The following RIMBP2 variants were observed in gnomAD, a reference collection of about 807,000 sequenced individuals.
The protein encoded by RIMBP2 is RIMS-binding protein 2.
Under a neutral mutation model 118.6 loss-of-function variants are expected in RIMBP2, and 48 were observed. That is an observed-to-expected ratio of 0.40 (90% CI 0.32 to 0.51). The LOEUF is 0.51. Ranked by LOEUF, RIMBP2 falls within the 20% of genes least tolerant of loss-of-function variation. The pLI is 0.41. For synonymous variants in RIMBP2, 762 were observed against 742.9 expected, an observed-to-expected ratio of 1.03 and a Z score of -0.42; for missense variants, 1,551 against 1,768.3, an observed-to-expected ratio of 0.88 and a Z score of 2.20.
At chr12:130,661,755 T>A (rs1469066857) in intron 1 of RIMBP2, among the ~76,000 whole-genome samples, 10 of 152,192 alleles carry the variant, frequency 6.6e-5, no homozygotes, top group Admixed American at 6.5e-4. Context: ...GAATCAGAGC[T>A]GATGCAATAA....
rs149550875 is a variant in RIMBP2 at position 130,683,746 on chromosome 12, G to A, written c.-352+32476C>T. Reference sequence around the variant, plus strand: ...ACCAGCACTACGACAATTTACAAACGCCATGGCAATGTCAGGAAGTTACCC... The same window carrying A: ...ACCAGCACTACGACAATTTACAAACACCATGGCAATGTCAGGAAGTTACCC... On this transcript the variant is annotated intron_variant, in intron 1 of 22. Transcript: ENST00000690449. The surrounding 1 kb of genome is among the most constrained non-coding windows in gnomAD (Gnocchi z 4.4). Among the ~76,000 whole-genome samples, 29 of 152,214 alleles carry A rather than the reference G, an allele frequency of 1.9e-4. No homozygotes were observed. In the East Asian group the frequency reaches 5.2e-3, roughly 27 times the overall value.
Position 130,620,146 on chromosome 12 carries a change from G to A in RIMBP2, c.-217+8176C>T, listed in dbSNP as rs139219333. On this transcript the variant is annotated intron_variant, in intron 2 of 22. Coordinates refer to ENST00000690449, the MANE Select transcript of RIMBP2 (RefSeq NM_001393629.1). The surrounding 1 kb of genome is among the most constrained non-coding windows in gnomAD (Gnocchi z 5.3). ...CCAGACTCTGCTTTGGAAGTGGTCT[G>A]CTGAGGGCAGTCATGGTGCCTCACC... 6.6e-6 allele frequency among the ~76,000 whole-genome samples: 1 copy of A among 152,300 alleles called. No homozygotes were observed. Among genetic ancestry groups the A allele is most frequent in the Non-Finnish European group, 1.5e-5 (1 of 68,034 alleles).
chr12:130,442,778 G>A lies in RIMBP2; in HGVS notation c.692-118C>T. On this transcript the variant is annotated intron_variant, in intron 10 of 22. Transcript: ENST00000690449. This position sits in a 1 kb window ranked among gnomAD's most constrained non-coding sequence, Gnocchi z 6.9. ...AGGCAGAGCAACAGGGTTGCCCTGG[G>A]GCTCCTCCGCTGTTCCCAGGAGTCC... is the stretch of plus-strand genomic sequence containing the variant. 1 of 827,902 alleles carries A rather than the reference G, an allele frequency of 1.2e-6. No individual in the cohort carries two copies. The highest frequency in any genetic ancestry group is 1.9e-6 in the Non-Finnish European group (1 of 536,962). 51.3% of individuals were successfully genotyped at this position (827,902 alleles called of 1,614,324 possible). A position where few individuals can be genotyped will look rare whatever the true frequency, so the allele number is the denominator to read the frequency against.
At chr12:130,414,523 G>C (rs1307850646) in intron 17 of RIMBP2, 6 of 426,726 alleles carry the variant, frequency 1.4e-5, no homozygotes, top group Non-Finnish European at 2.5e-5. Context: ...TGGCCACACT[G>C]CATGTGAAAG....
rs1465358347 is a variant in RIMBP2, at chr12:130,428,349, GA to G, written c.2254-13del. On this transcript the variant is annotated splice_polypyrimidine_tract_variant and intron_variant, in intron 14 of 22. Coordinates refer to ENST00000690449, the MANE Select transcript of RIMBP2 (RefSeq NM_001393629.1). ...TGGCAACAGTGCGGCTGGGGGCCAA[GA>G]AAAGGGGCTACTGAGCGGGTGGCTC... is the stretch of plus-strand genomic sequence containing the variant. The G allele has an allele frequency of 6.3e-7, 1 of 1,599,298 alleles. No homozygotes were observed. Among genetic ancestry groups the G allele is most frequent in the Admixed American group, 1.7e-5 (1 of 58,462 alleles).
chr12:130,611,440 C>T (rs1055234406), intron 2 of RIMBP2, among the ~76,000 whole-genome samples: 1 of 152,224 alleles, frequency 6.6e-6, no homozygotes, highest in Non-Finnish European at 1.5e-5. Context: ...AGCCAGGGCA[C>T]CTGGGGCCGC....
chr12:130,689,716 T>C (rs1194561005), intron 1 of RIMBP2, among the ~76,000 whole-genome samples: 1 of 152,140 alleles, frequency 6.6e-6, no homozygotes, highest in Non-Finnish European at 1.5e-5. Context: ...ACAGAACCAG[T>C]GGAGCCAATC....
At chr12:130,437,404 C>T (rs144593161) in intron 12 of RIMBP2, 113 bp from the exon 13 acceptor site, 36 of 852,276 alleles carry the variant, frequency 4.2e-5, no homozygotes, top group Non-Finnish European at 5.9e-5. Context: ...TCATGCCCAG[C>T]GACCTCCGAC....
intron 3 of RIMBP2, among the ~76,000 whole-genome samples, chr12:130,509,788 C>A (rs181774990): frequency 2.2e-4 from 33 of 152,128 alleles, no homozygotes; most frequent in Admixed American, 5.9e-4. Context: ...AAACTCTGCT[C>A]CATCCTCCAG....
chr12:130,521,833 T>C (rs1162640290), intron 2 of RIMBP2, among the ~76,000 whole-genome samples: 1 of 152,260 alleles, frequency 6.6e-6, no homozygotes, highest in African/African-American at 2.4e-5. Flanking sequence ...AATGGCTTTT[T>C]TTCCAGGGAA....
intron 6 of RIMBP2, among the ~76,000 whole-genome samples, chr12:130,467,594 C>A (rs1348922657): frequency 6.6e-6 from 1 of 152,216 alleles, no homozygotes. Flanking sequence ...CCTGTACAGC[C>A]AGCTCTGCAT....
chr12:130,544,091 C>T (rs990889977), intron 2 of RIMBP2, among the ~76,000 whole-genome samples: 1 of 152,186 alleles, frequency 6.6e-6, no homozygotes, highest in Admixed American at 6.5e-5. Flanking sequence ...TTGTCTCAAA[C>T]ATCTAAGGGC....
At chr12:130,666,695 AGGAGGAAGGGAGAAGG>A (rs1036708681) in intron 1 of RIMBP2, among the ~76,000 whole-genome samples, 3 of 136,306 alleles carry the variant, frequency 2.2e-5, no homozygotes, top group Non-Finnish European at 3.1e-5. Flanking sequence ...CAAGGGAATG[AGGAGGAAGGGAGAAGG>A]GGAGGAAGGG....
intron 21 of RIMBP2, among the ~76,000 whole-genome samples, chr12:130,404,947 AAAT>A (rs2075019531): frequency 6.6e-6 from 1 of 152,228 alleles, no homozygotes; most frequent in Admixed American, 6.5e-5. Context: ...TATTATTAAA[AAAT>A]GATTTTTTTA....
chr12:130,591,026 A>G (rs112524255), intron 2 of RIMBP2, among the ~76,000 whole-genome samples: 1 of 152,334 alleles, frequency 6.6e-6, no homozygotes, highest in African/African-American at 2.4e-5. Context: ...GAGAAGGATT[A>G]ACATCTTCTC....
intron 1 of RIMBP2, among the ~76,000 whole-genome samples, chr12:130,700,797 A>C (rs2065820094): frequency 6.6e-6 from 1 of 152,158 alleles, no homozygotes; most frequent in African/African-American, 2.4e-5. Context: ...CCACCCAACA[A>C]ATTCCAAACG....
intron 2 of RIMBP2, among the ~76,000 whole-genome samples, chr12:130,607,077 G>T (rs546857131): frequency 6.6e-6 from 1 of 152,016 alleles, no homozygotes; most frequent in Non-Finnish European, 1.5e-5. Flanking sequence ...TGATCTACCC[G>T]CCTCGGCCTC....
At chr12:130,691,274 G>T (rs577986676) in intron 1 of RIMBP2, among the ~76,000 whole-genome samples, 1 of 152,318 alleles carries the variant, frequency 6.6e-6, no homozygotes, top group East Asian at 1.9e-4. Flanking sequence ...AGTCAGTGAA[G>T]GCCCAGCGGA....
chr12:130,688,623 C>A lies in RIMBP2; in HGVS notation c.-352+27599G>T, dbSNP rs1298082730. Among the ~76,000 whole-genome samples the A allele has an allele frequency of 6.6e-6, 1 of 152,068 alleles. No individual in the cohort carries two copies. Among genetic ancestry groups the A allele is most frequent in the Non-Finnish European group, 1.5e-5 (1 of 68,034 alleles). ...GCACAGCCGGCGGGCATTCTCCCAG[C>A]CCTGCAGCAGGAGGGTGTGCTGGCC... On this transcript the variant is annotated intron_variant, in intron 1 of 22. Coordinates refer to ENST00000690449, the MANE Select transcript of RIMBP2 (RefSeq NM_001393629.1). This position sits in a 1 kb window ranked among gnomAD's most constrained non-coding sequence, Gnocchi z 4.7.
Sources: allele counts gnomAD v4.1 joint callset (sites outside exome capture counted in the v4.1 genomes callset), GRCh38; gene constraint gnomAD v4.1.1; non-coding constraint Gnocchi (gnomAD v3.1); transcripts MANE v1.5; gene names NCBI Gene and HGNC (gene_info 2026-07-23, HGNC 2026-07-21).